MMP1: variants seen among roughly 807,000 people sequenced by gnomAD.
MMP1 encodes the protein matrix metallopeptidase 1, also known as interstitial collagenase.
In MMP1, 51 loss-of-function variants were observed where a neutral mutation model predicts 49.6. The ratio of observed to expected loss-of-function variants is 1.03; its 90% confidence interval spans 0.82 to 1.30. The LOEUF (loss-of-function observed/expected upper bound fraction) is 1.30, where lower values mean the gene tolerates loss of function less well. MMP1 is among the 50% of genes most tolerant of loss of function. The pLI is 0.00. For missense variants in MMP1, 623 were observed against 568.7 expected (o/e 1.10, Z -0.97); for synonymous variants, 230 against 196.8 (o/e 1.17, Z -1.41).
At position 102,791,439 on chromosome 11, in the gene MMP1, T is replaced by C. The variant is rs778252160; in HGVS notation, c.1090A>G (p.Ile364Val). The C allele has an allele frequency of 8.1e-6, 13 of 1,613,944 alleles. No individual in the cohort carries two copies. In the African/African-American group the frequency reaches 1.5e-4, roughly 18 times the overall value. ...CTAGGGAAGCCAAAGGAGCTGTAGA[T>C]GTCCTTGGGGTATCCGTGTAGCACA... The part of the protein sequence containing the change: ...QNVLHGYPKD[I>V]YSSFGFPRTV... The change falls in exon 8 of 10, where the codon ATC (isoleucine) becomes GTC (valine). Residue 364 changes from isoleucine to valine, a missense_variant. Transcript: ENST00000315274.
At chr11:102,793,878 C>A (rs1374455587) in intron 6 of MMP1, among the ~76,000 whole-genome samples, 1 of 152,212 alleles carries the variant, frequency 6.6e-6, no homozygotes, top group Non-Finnish European at 1.5e-5. Context: ...AAGCCTACGG[C>A]CTTGGCTGTC....
At chr11:102,793,758 T>C (rs1351191433) in intron 6 of MMP1, among the ~76,000 whole-genome samples, 1 of 152,152 alleles carries the variant, frequency 6.6e-6, no homozygotes, top group Non-Finnish European at 1.5e-5. Flanking sequence ...CCTTGGTTAG[T>C]AGTATTTACA....
chr11:102,795,090 A>C, intron 6 of MMP1, 84 bp downstream of exon 6: 1 of 1,071,740 alleles, frequency 9.3e-7, no homozygotes. Context: ...GAAATAAGTA[A>C]CATGTGAAGC....
At position 102,797,191 on chromosome 11, in the gene MMP1, T is replaced by C. The variant is rs370309533; in HGVS notation, c.351-29A>G. 35 of 1,613,400 alleles carry C rather than the reference T, an allele frequency of 2.2e-5. No homozygotes were observed. In the African/African-American group the frequency reaches 4.1e-4, roughly 19 times the overall value. On this transcript the variant is annotated intron_variant, in intron 2 of 9. Transcript: ENST00000315274. Reference sequence around the variant, plus strand: ...AGAATGAAACAAAATAGAGACACATTGGACATGACTTCTTACCACTGTCAT... The same window carrying C: ...AGAATGAAACAAAATAGAGACACATCGGACATGACTTCTTACCACTGTCAT...
chr11:102,791,392 A>T lies in MMP1; in HGVS notation c.1137T>A (p.Ala379=). 1.9e-6 allele frequency: 3 copies of T among 1,614,104 alleles called. No homozygotes were observed. The highest frequency in any genetic ancestry group is 2.5e-6 in the Non-Finnish European group (3 of 1,179,920). The part of the protein sequence containing the change: ...GFPRTVKHID[A]ALSEENTGKT... ...TTCCAGTGTTTTCCTCAGAAAGAGC[A>T]GCATCGATATGCTTCACAGTTCTAG... The change falls in exon 8 of 10, where the codon GCT becomes GCA. Residue 379 remains alanine, a synonymous_variant. Transcript: ENST00000315274.
chr11:102,794,249 G>C lies in MMP1; in HGVS notation c.899+925C>G, dbSNP rs551951034. On this transcript the variant is annotated intron_variant, in intron 6 of 9. Coordinates refer to ENST00000315274, the MANE Select transcript of MMP1 (RefSeq NM_002421.4). The surrounding 1 kb of genome is among the most constrained non-coding windows in gnomAD (Gnocchi z 4.3). Reference sequence around the variant, plus strand: ...CAGTGCCCTGAATTCTAGGAGAGATGCGACTACAGAGTAGTAAAACAGTGC... The same window carrying C: ...CAGTGCCCTGAATTCTAGGAGAGATCCGACTACAGAGTAGTAAAACAGTGC... Among the ~76,000 whole-genome samples, 367 of 152,312 alleles carry C rather than the reference G, an allele frequency of 2.4e-3. 2 individuals are homozygous for C. The highest frequency in any genetic ancestry group is 8.6e-3 in the African/African-American group (356 of 41,556).
chr11:102,795,224 G>T lies in MMP1; in HGVS notation c.849C>A (p.Thr283=), dbSNP rs1219590074. The T allele has an allele frequency of 1.2e-6, 2 of 1,613,996 alleles. No individual in the cohort carries two copies. Among genetic ancestry groups the T allele is most frequent in the East Asian group, 2.2e-5 (1 of 44,902 alleles). The stretch of plus-strand genomic sequence containing the variant: ...CCCGAATCGTAGTTATAGCATCAAA[G>T]GTTAGCTTACTGTCACACGCTTTTG... ...QTPKACDSKL[T]FDAITTIRGE... Residue 283 remains threonine (T), a synonymous_variant, in exon 6 of 10, where the codon ACC becomes ACA. Transcript: ENST00000315274.
At chr11:102,795,331 A>G in intron 5 of MMP1, 40 bp from the exon 6 acceptor site, 2 of 1,607,128 alleles carry the variant, frequency 1.2e-6, no homozygotes, top group South Asian at 1.1e-5. Flanking sequence ...TTTGCCTAGT[A>G]TTAGAAAACT....
chr11:102,795,002 A>G (rs538940445), intron 6 of MMP1, 172 bp downstream of exon 6: 9 of 616,006 alleles, frequency 1.5e-5, no homozygotes, highest in Non-Finnish European at 2.6e-5. Context: ...CATGTAGAAA[A>G]ACAAAGTTGT....
chr11:102,795,202 G>T lies in MMP1; in HGVS notation c.871C>A (p.Arg291=). The T allele has an allele frequency of 6.2e-7, 1 of 1,613,892 alleles. No homozygotes were observed. The highest frequency in any genetic ancestry group is 8.5e-7 in the Non-Finnish European group (1 of 1,179,854). ...KLTFDAITTI[R]GEVMFFKDRF... Reference sequence around the variant, plus strand: ...TCTTTAAAGAACATCACTTCTCCCCGAATCGTAGTTATAGCATCAAAGGTT... The same window carrying T: ...TCTTTAAAGAACATCACTTCTCCCCTAATCGTAGTTATAGCATCAAAGGTT... The change falls in exon 6 of 10, where the codon CGG becomes AGG. Residue 291 remains arginine, a synonymous_variant. Coordinates refer to ENST00000315274, the MANE Select transcript of MMP1 (RefSeq NM_002421.4).
chr11:102,794,863 C>T lies in MMP1; in HGVS notation c.899+311G>A, dbSNP rs1329522600. On this transcript the variant is annotated intron_variant, in intron 6 of 9. Coordinates refer to ENST00000315274, the MANE Select transcript of MMP1 (RefSeq NM_002421.4). The surrounding 1 kb of genome is among the most constrained non-coding windows in gnomAD (Gnocchi z 4.3). The stretch of plus-strand genomic sequence containing the variant: ...CAGAAGACCAATAACTGCTCTGCTA[C>T]CAATGAGCTCTATGCCCCCAAAAGA... Among the ~76,000 whole-genome samples the T allele has an allele frequency of 1.3e-5, 2 of 152,192 alleles. No individual in the cohort carries two copies. Among genetic ancestry groups the T allele is most frequent in the Non-Finnish European group, 2.9e-5 (2 of 68,028 alleles).
chr11:102,793,662 T>C (rs1360679312), intron 6 of MMP1, among the ~76,000 whole-genome samples: 2 of 152,150 alleles, frequency 1.3e-5, no homozygotes, highest in African/African-American at 2.4e-5. Context: ...TTGGGGAGAC[T>C]AAGGGAGGTG....
chr11:102,795,361 C>G, intron 5 of MMP1, 70 bp from the exon 6 acceptor site: 3 of 1,597,170 alleles, frequency 1.9e-6, no homozygotes, highest in Non-Finnish European at 2.6e-6. Context: ...ATGAAGACAG[C>G]TTCTTCAAGG....
intron 9 of MMP1, 67 bp from the exon 10 acceptor site, chr11:102,790,588 G>C (rs1453067668): frequency 3.0e-6 from 4 of 1,338,454 alleles, no homozygotes; most frequent in Non-Finnish European, 4.2e-6. Context: ...TTGAATTCTT[G>C]AGAAACCAAT....
chr11:102,797,481 T>C lies in MMP1; in HGVS notation c.125A>G (p.Tyr42Cys). The C allele has an allele frequency of 1.2e-6, 2 of 1,614,138 alleles. No homozygotes were observed. Among genetic ancestry groups the C allele is most frequent in the Non-Finnish European group, 1.7e-6 (2 of 1,180,000 alleles). Reference protein sequence around the residue: ...DLVQKYLEKYYNLKNDGRQVE... With the variant: ...DLVQKYLEKYCNLKNDGRQVE... Reference sequence around the variant, plus strand: ...TTGCCTCCCATCATTCTTCAGGTTGTAGTATTTTTCCAGGTATTTCTGACA... The same window carrying C: ...TTGCCTCCCATCATTCTTCAGGTTGCAGTATTTTTCCAGGTATTTCTGACA... The change falls in exon 2 of 10, where the codon TAC becomes TGC. Residue 42 changes from tyrosine to cysteine, a missense_variant. Physicochemically the swap from Tyr to Cys is radical, Grantham distance 194 (BLOSUM62 -2). Coordinates refer to ENST00000315274, the MANE Select transcript of MMP1 (RefSeq NM_002421.4).
At chr11:102,796,574 A>G in intron 4 of MMP1, 90 bp downstream of exon 4, 1 of 1,433,432 alleles carries the variant, frequency 7.0e-7, no homozygotes, top group Non-Finnish European at 9.4e-7. Context: ...ATATACTTCT[A>G]TGAATGCATT....
Position 102,790,453 on chromosome 11 carries a change from G to A in MMP1, c.1369C>T (p.Leu457Phe). ...FDPKTKRILT[L>F]QKANSWFNCR... Reference sequence around the variant, plus strand: ...TTGAACCAGCTATTAGCTTTCTGGAGAGTCAAAATTCTCTTCGTTTTAGGA... The same window carrying A: ...TTGAACCAGCTATTAGCTTTCTGGAAAGTCAAAATTCTCTTCGTTTTAGGA... Residue 457 changes from leucine to phenylalanine, a missense_variant, in exon 10 of 10, where the codon CTC becomes TTC. Leu to Phe is a conservative substitution (Grantham distance 22). Transcript: ENST00000315274. 2 of 1,610,890 alleles carry A rather than the reference G, an allele frequency of 1.2e-6. No homozygotes were observed. Among genetic ancestry groups the A allele is most frequent in the Non-Finnish European group, 1.7e-6 (2 of 1,178,352 alleles).
At chr11:102,791,750 G>A (rs1858038276) in intron 7 of MMP1, among the ~76,000 whole-genome samples, 1 of 152,174 alleles carries the variant, frequency 6.6e-6, no homozygotes, top group Non-Finnish European at 1.5e-5. Context: ...GGAGTTGGGG[G>A]CTTCTTTCCA....
In MMP1 at chr11:102,790,516, A is replaced by C; in HGVS notation, c.1306T>G (p.Phe436Val). 6.4e-7 allele frequency: 1 copy of C among 1,574,312 alleles called. No individual in the cohort carries two copies. Among genetic ancestry groups the C allele is most frequent in the Non-Finnish European group, 8.7e-7 (1 of 1,152,022 alleles). Residue 436 changes from phenylalanine (F) to valine (V), a missense_variant, in exon 10 of 10, where the codon TTC becomes GTC. By Grantham distance (50) the Phe-to-Val change is conservative. Transcript: ENST00000315274. ...VDAVFMKDGF[F>V]YFFHGTRQYK... ...TGTCTTGTTCCATGAAAGAAATAGAAAAATCCTAGAAACAAAACAAAAGAG... is the reference window on the plus strand; with the variant it reads ...TGTCTTGTTCCATGAAAGAAATAGACAAATCCTAGAAACAAAACAAAAGAG...
Sources: allele counts gnomAD v4.1 joint callset (sites outside exome capture counted in the v4.1 genomes callset), GRCh38; gene constraint gnomAD v4.1.1; non-coding constraint Gnocchi (gnomAD v3.1); transcripts MANE v1.5; gene names NCBI Gene and HGNC (gene_info 2026-07-23, HGNC 2026-07-21).